Variants in FAM135A observed in about 807,000 individuals in gnomAD.
FAM135A encodes the protein protein FAM135A.
Under a neutral mutation model 146.8 loss-of-function variants are expected in FAM135A, and 79 were observed. The ratio of observed to expected loss-of-function variants is 0.54; its 90% confidence interval spans 0.45 to 0.65. The LOEUF is 0.65. Among genes scored for constraint, FAM135A ranks in the 30% least tolerant of loss-of-function variants. The probability of loss-of-function intolerance (pLI) is 0.00; values close to 1 mark genes in which losing one functional copy is unlikely to be tolerated. For synonymous variants in FAM135A, 562 were observed against 603.6 expected, an observed-to-expected ratio of 0.93 and a Z score of 1.01; for missense variants, 1,623 against 1,758.2, an observed-to-expected ratio of 0.92 and a Z score of 1.38.
At chr6:70,497,185 G>A (rs1024366438) in intron 11 of FAM135A, among the ~76,000 whole-genome samples, 1 of 152,074 alleles carries the variant, frequency 6.6e-6, no homozygotes, top group Non-Finnish European at 1.5e-5. Flanking sequence ...TTGAGCAGTG[G>A]TTTGTATTTC....
In FAM135A at chr6:70,482,042, G is replaced by T. The variant is rs202076605; in HGVS notation, c.711G>T (p.Ala237=). ...FIIADSFLHH[A]YRFHYTLCAT... ...TTGCAGACTCCTTCCTACATCATGC[G>T]TATCGTTTTCATTATACACTTTGTG... Residue 237 remains alanine, a synonymous_variant, in exon 10 of 22, where the codon GCG becomes GCT. Coordinates refer to ENST00000418814, the MANE Select transcript of FAM135A (RefSeq NM_001162529.3). 1.2e-6 allele frequency: 2 copies of T among 1,613,554 alleles called. No homozygotes were observed. Among genetic ancestry groups the T allele is most frequent in the South Asian group, 2.2e-5 (2 of 91,054 alleles).
chr6:70,475,601 G>A (rs1782473074), intron 6 of FAM135A, 52 bp downstream of exon 6: 1 of 1,582,994 alleles, frequency 6.3e-7, no homozygotes. Context: ...AATGCCTCAA[G>A]ATGTTATTTC....
intron 18 of FAM135A, chr6:70,535,868 A>T (rs1796696112): frequency 6.5e-6 from 1 of 154,440 alleles, no homozygotes; most frequent in African/African-American, 2.4e-5. Context: ...GTTGTCGTTT[A>T]TAAATACAAT....
At chr6:70,551,111 CCTT>C (rs368321198) in intron 20 of FAM135A, among the ~76,000 whole-genome samples, 16 of 152,314 alleles carry the variant, frequency 1.1e-4, no homozygotes, top group Non-Finnish European at 2.4e-4. Context: ...GCCATCCAAA[CCTT>C]CTCCGCATCA....
At chr6:70,523,773 T>G (rs1157998330) in intron 13 of FAM135A, among the ~76,000 whole-genome samples, 194 bp from the exon 14 acceptor site, 3 of 152,158 alleles carry the variant, frequency 2.0e-5, no homozygotes. Context: ...AATAAGTCAA[T>G]AATTTATTGC....
chr6:70,543,091 C>T (rs1798230814), intron 20 of FAM135A, among the ~76,000 whole-genome samples: 1 of 152,096 alleles, frequency 6.6e-6, no homozygotes, highest in African/African-American at 2.4e-5. Flanking sequence ...CTAGTGTACA[C>T]CGATTGAATT....
chr6:70,473,762 A>G (rs542443445), intron 5 of FAM135A, among the ~76,000 whole-genome samples: 19 of 151,936 alleles, frequency 1.3e-4, no homozygotes, highest in African/African-American at 4.3e-4. Context: ...CCTTTTCCTC[A>G]CTTCACTTGG....
chr6:70,505,941 T>A (rs1177551288), intron 12 of FAM135A, among the ~76,000 whole-genome samples: 2 of 152,168 alleles, frequency 1.3e-5, no homozygotes, highest in African/African-American at 4.8e-5. Flanking sequence ...AAGGGCTAAA[T>A]AAAAAGGATT....
chr6:70,537,477 T>C (rs1259202816), intron 19 of FAM135A, among the ~76,000 whole-genome samples: 1 of 152,184 alleles, frequency 6.6e-6, no homozygotes, highest in Non-Finnish European at 1.5e-5. Context: ...ACTTCTACAG[T>C]TTGAAAAAGA....
chr6:70,537,342 CTCTTT>C lies in FAM135A; in HGVS notation c.4117+934_4117+938del, dbSNP rs1334656363. ...GAGAATAAATTATATTTAACTCTGT[CTCTTT>C]TCATTGATCCCTGAAAATCTTATTG... On this transcript the variant is annotated intron_variant, in intron 19 of 21. Coordinates refer to ENST00000418814, the MANE Select transcript of FAM135A (RefSeq NM_001162529.3). 6.6e-5 allele frequency among the ~76,000 whole-genome samples: 10 copies of C among 152,240 alleles called. No individual in the cohort carries two copies. The East Asian group carries it at 1.9e-3, about 29-fold the overall frequency.
At chr6:70,500,737 C>G (rs1009078786) in intron 11 of FAM135A, among the ~76,000 whole-genome samples, 1 of 152,158 alleles carries the variant, frequency 6.6e-6, no homozygotes, top group Admixed American at 6.5e-5. Context: ...CAGTAAGGCC[C>G]CTCTGCTGCA....
At chr6:70,497,511 TG>T (rs2128236192) in intron 11 of FAM135A, among the ~76,000 whole-genome samples, 1 of 152,324 alleles carries the variant, frequency 6.6e-6, no homozygotes, top group South Asian at 2.1e-4. Context: ...CAGATTGCCC[TG>T]GCCAGTACTT....
intron 20 of FAM135A, among the ~76,000 whole-genome samples, chr6:70,539,027 C>T: frequency 6.6e-6 from 1 of 151,806 alleles, no homozygotes; most frequent in Non-Finnish European, 1.5e-5. Flanking sequence ...CTAAAGTTCC[C>T]AACTGCTCCT....
chr6:70,455,091 C>G (rs777269694), intron 5 of FAM135A, among the ~76,000 whole-genome samples: 3 of 151,936 alleles, frequency 2.0e-5, no homozygotes, highest in Non-Finnish European at 4.4e-5. Flanking sequence ...TGTTTGTGTC[C>G]TCTTTTATTT....
intron 10 of FAM135A, among the ~76,000 whole-genome samples, chr6:70,484,395 C>G (rs1784249641): frequency 6.6e-6 from 1 of 152,142 alleles, no homozygotes; most frequent in Admixed American, 6.5e-5. Context: ...AAAATCCTCT[C>G]TAAAAGGTAG....
At chr6:70,538,588 C>G (rs560729616) in intron 20 of FAM135A, among the ~76,000 whole-genome samples, 187 bp downstream of exon 20, 1 of 152,004 alleles carries the variant, frequency 6.6e-6, no homozygotes, top group South Asian at 2.1e-4. Flanking sequence ...TTTCTTTAGT[C>G]TTTTTCACAT....
chr6:70,472,654 T>G (rs926705842), intron 5 of FAM135A, among the ~76,000 whole-genome samples: 1 of 152,186 alleles, frequency 6.6e-6, no homozygotes, highest in Admixed American at 6.6e-5. Context: ...AAATCATATA[T>G]TGTAATTAAT....
At chr6:70,556,692 TAAC>T (rs1800907049) in intron 20 of FAM135A, 55 bp from the exon 21 acceptor site, 1 of 1,182,928 alleles carries the variant, frequency 8.5e-7, no homozygotes, top group South Asian at 1.7e-5. Context: ...ATGATACTAA[TAAC>T]TTGTTTAAAA....
intron 7 of FAM135A, 84 bp downstream of exon 7, chr6:70,475,817 T>C (rs957681714): frequency 1.1e-5 from 12 of 1,074,392 alleles, no homozygotes; most frequent in Non-Finnish European, 1.6e-5. Flanking sequence ...CCTCTTAAAA[T>C]TCATCCTATC....
Sources: allele counts gnomAD v4.1 joint callset (sites outside exome capture counted in the v4.1 genomes callset), GRCh38; gene constraint gnomAD v4.1.1; transcripts MANE v1.5; gene names NCBI Gene and HGNC (gene_info 2026-07-23, HGNC 2026-07-21).